The following MXD4 variants were observed in gnomAD, a reference collection of about 807,000 sequenced individuals.
MXD4 encodes MAX dimerization protein 4.
A neutral mutation model predicts 24.5 loss-of-function variants in MXD4; 16 were observed. That is an observed-to-expected ratio of 0.65 (90% CI 0.44 to 0.99). The LOEUF is 0.99. Among genes scored for constraint, MXD4 ranks in the 50% least tolerant of loss-of-function variants. The probability of loss-of-function intolerance (pLI) is 0.00; values close to 1 mark genes in which losing one functional copy is unlikely to be tolerated. For missense variants in MXD4, 301 were observed against 301.5 expected, an observed-to-expected ratio of 1.00 and a Z score of 0.01; for synonymous variants, 164 against 134.2, an observed-to-expected ratio of 1.22 and a Z score of -1.54.
chr4:2,250,373 C>A lies in MXD4; in HGVS notation c.*171G>T, dbSNP rs781587060. Reference sequence around the variant, plus strand: ...GCCCAGCTGGAAGGGGCAGGCAGCTCGGCAGGCCCTGACCGGCAAGCGGGC... The same window carrying A: ...GCCCAGCTGGAAGGGGCAGGCAGCTAGGCAGGCCCTGACCGGCAAGCGGGC... On this transcript the variant is annotated 3_prime_UTR_variant, in exon 6 of 6. Transcript: ENST00000337190. 1.4e-5 allele frequency: 13 copies of A among 908,684 alleles called. No individual in the cohort carries two copies. Among genetic ancestry groups the A allele is most frequent in the Non-Finnish European group, 2.1e-5 (13 of 622,668 alleles). 56.3% of individuals were successfully genotyped at this position (908,684 alleles called of 1,614,324 possible).
chr4:2,251,284 A>T, intron 4 of MXD4, 38 bp from the exon 5 acceptor site: 1 of 1,534,834 alleles, frequency 6.5e-7, no homozygotes, highest in Non-Finnish European at 8.8e-7. Flanking sequence ...CAGCGGGAAG[A>T]GGAGTCCCCC....
At chr4:2,250,753 C>T (rs190009012) in intron 5 of MXD4, 52 bp from the exon 6 acceptor site, 1 of 1,579,038 alleles carries the variant, frequency 6.3e-7, no homozygotes, top group African/African-American at 1.3e-5. Flanking sequence ...GGTGCCAGCC[C>T]ATTTCTCCCT....
intron 2 of MXD4, among the ~76,000 whole-genome samples, chr4:2,260,073 C>T (rs1038543145): frequency 1.3e-5 from 2 of 152,240 alleles, no homozygotes; most frequent in Non-Finnish European, 2.9e-5. Flanking sequence ...AGGAAACCTC[C>T]AGGGCAGTGC....
At position 2,250,700 on chromosome 4, in the gene MXD4, T is replaced by C. The variant is rs1735302043; in HGVS notation, c.474A>G (p.Glu158=). 4 of 1,613,036 alleles carry C rather than the reference T, an allele frequency of 2.5e-6. No individual in the cohort carries two copies. Among genetic ancestry groups the C allele is most frequent in the Admixed American group, 1.7e-5 (1 of 59,900 alleles). The change falls in exon 6 of 6, where the codon GAA becomes GAG. Residue 158 remains glutamate (E), a splice_region_variant and synonymous_variant. Transcript: ENST00000337190. ...SAVSTDDSEQ[E]VDIEGMEFGP... ...CAAACTCCATGCCCTCTATGTCCAC[T>C]TCTAGGGAGAATAGAGTGGGGATGG...
chr4:2,251,365 G>C lies in MXD4; in HGVS notation c.310-119C>G. Reference sequence around the variant, plus strand: ...GGTTCCCCATCCCTGCCAAGACCTAGCCAAGGCTACAGGCCACAGGGTGCC... The same window carrying C: ...GGTTCCCCATCCCTGCCAAGACCTACCCAAGGCTACAGGCCACAGGGTGCC... On this transcript the variant is annotated intron_variant, in intron 4 of 5. Coordinates refer to ENST00000337190, the MANE Select transcript of MXD4 (RefSeq NM_006454.3). 5 of 1,273,922 alleles carry C rather than the reference G, an allele frequency of 3.9e-6. No homozygotes were observed. The South Asian group carries it at 6.5e-5, about 17-fold the overall frequency. The allele number at this position is 1,273,922 out of a possible 1,614,324, so 78.9% of individuals were successfully genotyped here.
rs557880681 is a variant in MXD4, at chr4:2,252,321, C to A, written c.309+87G>T. ...TCAGGCCCTCTGATCCAAGGGCTGC[C>A]CAGGGTCACCTGTGAGCACCCCCCC... On this transcript the variant is annotated intron_variant, in intron 4 of 5. Transcript: ENST00000337190. The A allele has an allele frequency of 1.6e-5, 18 of 1,112,628 alleles. No individual in the cohort carries two copies. The African/African-American group carries it at 2.7e-4, about 17-fold the overall frequency. The allele number at this position is 1,112,628 out of a possible 1,614,324, so 68.9% of individuals were successfully genotyped here.
At chr4:2,256,450 C>G (rs939152650) in intron 3 of MXD4, among the ~76,000 whole-genome samples, 12 of 152,190 alleles carry the variant, frequency 7.9e-5, no homozygotes, top group African/African-American at 2.7e-4. Context: ...GGTGGCCCAG[C>G]CAGGGGCTTC....
rs1735558487 is a variant in MXD4 at position 2,261,985 on chromosome 4, CCGCCCGCGCCCGTCCGCCCCGGGA to C, written c.-29_-6del. The C allele has an allele frequency of 1.5e-6, 2 of 1,321,262 alleles. No homozygotes were observed. Among genetic ancestry groups the C allele is most frequent in the African/African-American group, 1.5e-5 (1 of 65,330 alleles). The allele number at this position is 1,321,262 out of a possible 1,614,324, so 81.8% of individuals were successfully genotyped here. ...CAGCAGGGAGTTCAGCTCCATCCTC[CCGCCCGCGCCCGTCCGCCCCGGGA>C]CGGCGGCGGCCGCTGCCCGGCCCGC... On this transcript the variant is annotated 5_prime_UTR_variant, in exon 1 of 6. Transcript: ENST00000337190.
At chr4:2,251,340 G>A (rs1043546199) in intron 4 of MXD4, 94 bp from the exon 5 acceptor site, 102 of 1,397,196 alleles carry the variant, frequency 7.3e-5, no homozygotes, top group Non-Finnish European at 9.2e-5. Flanking sequence ...GGGCCCGGGA[G>A]GTTCCCCATC....
chr4:2,260,495 C>A, intron 2 of MXD4: 1 of 453,294 alleles, frequency 2.2e-6, no homozygotes. Context: ...CCAGCTCACG[C>A]CCCAGAGTTC....
intron 2 of MXD4, among the ~76,000 whole-genome samples, chr4:2,260,234 C>G (rs541315703): frequency 1.2e-3 from 188 of 152,330 alleles, no homozygotes; most frequent in Non-Finnish European, 1.9e-3. Context: ...TCTGTCCCAG[C>G]AGAATGTGGA....
rs987529638 is a variant in MXD4, at chr4:2,259,869, C to T, written c.164+1856G>A. Among the ~76,000 whole-genome samples, 13 of 152,204 alleles carry T rather than the reference C, an allele frequency of 8.5e-5. No homozygotes were observed. The South Asian group carries it at 1.9e-3, about 22-fold the overall frequency. On this transcript the variant is annotated intron_variant, in intron 2 of 5. Coordinates refer to ENST00000337190, the MANE Select transcript of MXD4 (RefSeq NM_006454.3). Reference sequence around the variant, plus strand: ...CAGAATGGACCCCCCTGCAGGCTGGCCCCAGTGCTCTGCCGCCTCCCTCAA... The same window carrying T: ...CAGAATGGACCCCCCTGCAGGCTGGTCCCAGTGCTCTGCCGCCTCCCTCAA...
At chr4:2,255,000 C>T (rs978995896) in intron 3 of MXD4, 20 of 301,462 alleles carry the variant, frequency 6.6e-5, no homozygotes, top group African/African-American at 1.6e-4. Context: ...CAAAGGTCTG[C>T]GCTCACCAAG....
intron 3 of MXD4, 77 bp downstream of exon 3, chr4:2,257,905 G>GCTCAACGCACACACACC: frequency 6.3e-7 from 1 of 1,584,024 alleles, no homozygotes; most frequent in Non-Finnish European, 8.7e-7. Flanking sequence ...ACAGGGGCAG[G>GCTCAACGCACACACACC]CTCAACGCAC....
At chr4:2,259,993 T>C (rs2182683) in intron 2 of MXD4, among the ~76,000 whole-genome samples, 33,802 of 152,108 alleles carry the variant, frequency 0.22, 5,467 homozygotes, top group African/African-American at 0.44. Flanking sequence ...GCCTCACAGG[T>C]GGGGACAAGT....
At chr4:2,257,308 G>A (rs79584963) in intron 3 of MXD4, among the ~76,000 whole-genome samples, 5,422 of 152,316 alleles carry the variant, frequency 0.036, 120 homozygotes, top group Middle Eastern at 0.051. Flanking sequence ...AGAGAGCGAA[G>A]GACCAGCATC....
At chr4:2,255,078 AC>A (rs1735398642) in intron 3 of MXD4, 1 of 354,876 alleles carries the variant, frequency 2.8e-6, no homozygotes, top group Admixed American at 3.9e-5. Flanking sequence ...CGCTGGTGGC[AC>A]AGCCAAGTGT....
chr4:2,258,955 G>C, intron 2 of MXD4: 1 of 456,062 alleles, frequency 2.2e-6, no homozygotes, highest in South Asian at 1.5e-5. Context: ...TCTGCCTGGA[G>C]GATAACGAGG....
At position 2,248,662 on chromosome 4, in the gene MXD4, C is replaced by G. The variant is rs1485238555; in HGVS notation, c.*1882G>C. The G allele has an allele frequency of 6.6e-6, 1 of 152,334 alleles. No homozygotes were observed. Among genetic ancestry groups the G allele is most frequent in the Non-Finnish European group, 1.5e-5 (1 of 68,134 alleles). The allele number at this position is 152,334 out of a possible 1,614,324, so 9.4% of individuals were successfully genotyped here. ...CAACGCGTTCGGATGCCCCTCAGCT[C>G]CAGGCACCATGCCCCCTACAGCCTG... On this transcript the variant is annotated 3_prime_UTR_variant, in exon 6 of 6. Coordinates refer to ENST00000337190, the MANE Select transcript of MXD4 (RefSeq NM_006454.3).
Sources: allele counts gnomAD v4.1 joint callset (sites outside exome capture counted in the v4.1 genomes callset), GRCh38; gene constraint gnomAD v4.1.1; transcripts MANE v1.5; gene names NCBI Gene and HGNC (gene_info 2026-07-23, HGNC 2026-07-21).